Variants in AQP2 observed in about 807,000 individuals in gnomAD.
AQP2 encodes the protein aquaporin 2, also known as aquaporin-2.
Under a neutral mutation model 21.6 loss-of-function variants are expected in AQP2, and 20 were observed. The ratio of observed to expected loss-of-function variants is 0.92; its 90% CI spans 0.65 to 1.34. AQP2 has a LOEUF of 1.34. Among genes scored for constraint, AQP2 ranks in the 40% most tolerant of loss-of-function variants. The pLI is 0.00. For missense variants in AQP2, 325 were observed against 363.4 expected (o/e 0.89, Z 0.86); for synonymous variants, 168 against 166.9 (o/e 1.01, Z -0.05).
intron 1 of AQP2, among the ~76,000 whole-genome samples, chr12:49,953,936 C>T (rs545401348): frequency 3.9e-5 from 6 of 152,038 alleles, no homozygotes; most frequent in Admixed American, 6.5e-5. Flanking sequence ...CTACCTCTGG[C>T]GGGGGGACCA....
rs147136099 is a variant in AQP2, at chr12:49,950,893, C to G, written c.63C>G (p.Leu21=). The change falls in exon 1 of 4, where the codon CTC becomes CTG. Residue 21 remains leucine, a synonymous_variant. Coordinates refer to ENST00000199280, the MANE Select transcript of AQP2 (RefSeq NM_000486.6). ...RAVFAEFLAT[L]LFVFFGLGSA... The stretch of plus-strand genomic sequence containing the variant: ...TGTTCGCAGAGTTCCTGGCCACACT[C>G]CTCTTCGTCTTCTTTGGCCTCGGCT... 1.2e-6 allele frequency: 2 copies of G among 1,614,004 alleles called. No homozygotes were observed. The highest frequency in any genetic ancestry group is 1.7e-6 in the Non-Finnish European group (2 of 1,179,836).
Position 49,955,493 on chromosome 12 carries a change from T to A in AQP2, c.701T>A (p.Leu234Gln). ...FPPAKSLSER[L>Q]AVLKGLEPDT... ...CCAGCCAAGAGCCTGTCGGAGCGCC[T>A]GGCAGTGCTGAAGGGCCTGGAGCCG... The change falls in exon 4 of 4, where the codon CTG becomes CAG. Residue 234 changes from leucine to glutamine, a missense_variant. Leu to Gln is a moderately radical substitution (Grantham distance 113). Transcript: ENST00000199280. 6.2e-7 allele frequency: 1 copy of A among 1,612,766 alleles called. No individual in the cohort carries two copies. Among genetic ancestry groups the A allele is most frequent in the Middle Eastern group, 1.7e-4 (1 of 6,028 alleles).
chr12:49,956,964 A>G lies in AQP2; in HGVS notation c.*1356A>G, dbSNP rs750350039. 4.6e-5 allele frequency: 7 copies of G among 152,590 alleles called. No homozygotes were observed. Among genetic ancestry groups the G allele is most frequent in the Non-Finnish European group, 8.8e-5 (6 of 68,044 alleles). 9.5% of individuals were successfully genotyped at this position (152,590 alleles called of 1,614,324 possible). A position where few individuals can be genotyped will look rare whatever the true frequency, so the allele number is the denominator to read the frequency against. ...AGGCAGAGGCAGATCTGAGTCTAGA[A>G]CCCAGGCTTCTAAATTTCTAGGCCA... On this transcript the variant is annotated 3_prime_UTR_variant, in exon 4 of 4. Coordinates refer to ENST00000199280, the MANE Select transcript of AQP2 (RefSeq NM_000486.6).
rs1283814344 is a variant in AQP2, at chr12:49,958,102, G to A, written c.*2494G>A. On this transcript the variant is annotated 3_prime_UTR_variant, in exon 4 of 4. Coordinates refer to ENST00000199280, the MANE Select transcript of AQP2 (RefSeq NM_000486.6). ...CTGTGCTGGGTGCCTTGCATGCACG[G>A]ACTTATCTGATCTTCCTCAAACTTC... The A allele has an allele frequency of 6.6e-6, 1 of 152,148 alleles. No individual in the cohort carries two copies. The highest frequency in any genetic ancestry group is 1.5e-5 in the Non-Finnish European group (1 of 68,042). The allele number at this position is 152,148 out of a possible 1,614,324, so 9.4% of individuals were successfully genotyped here. A position where few individuals can be genotyped will look rare whatever the true frequency, so the allele number is the denominator to read the frequency against.
Position 49,955,396 on chromosome 12 carries a change from C to A in AQP2, c.607-3C>A. On this transcript the variant is annotated splice_region_variant and splice_polypyrimidine_tract_variant and intron_variant, in intron 3 of 3. Transcript: ENST00000199280. ...CCAAGCCGCCCTCTCCGCTCGCCCCCAGGTCTTCTGGATCGGACCCCTGGT... is the reference window on the plus strand; with the variant it reads ...CCAAGCCGCCCTCTCCGCTCGCCCCAAGGTCTTCTGGATCGGACCCCTGGT... The A allele has an allele frequency of 6.2e-7, 1 of 1,612,058 alleles. No homozygotes were observed. Among genetic ancestry groups the A allele is most frequent in the Non-Finnish European group, 8.5e-7 (1 of 1,179,478 alleles).
At chr12:49,952,344 G>C (rs1207293179) in intron 1 of AQP2, among the ~76,000 whole-genome samples, 1 of 152,088 alleles carries the variant, frequency 6.6e-6, no homozygotes, top group Non-Finnish European at 1.5e-5. Flanking sequence ...CTAACCTCAA[G>C]TGATCCACCC....
Position 49,955,746 on chromosome 12 carries a change from A to G in AQP2, c.*138A>G. ...AGCTGCTTCCTGGACGTGCGCGCCC[A>G]GGCCAGTGCTGTGAGCAGGCGGGGA... On this transcript the variant is annotated 3_prime_UTR_variant, in exon 4 of 4. Coordinates refer to ENST00000199280, the MANE Select transcript of AQP2 (RefSeq NM_000486.6). The G allele has an allele frequency of 8.5e-7, 1 of 1,174,486 alleles. No individual in the cohort carries two copies. The highest frequency in any genetic ancestry group is 1.2e-6 in the Non-Finnish European group (1 of 820,588). The allele number at this position is 1,174,486 out of a possible 1,614,324, so 72.8% of individuals were successfully genotyped here.
At position 49,955,513 on chromosome 12, in the gene AQP2, G is replaced by C; in HGVS notation, c.721G>C (p.Glu241Gln). The change falls in exon 4 of 4, where the codon GAG becomes CAG. Residue 241 changes from glutamate to glutamine, a missense_variant. Glu to Gln is a conservative substitution (Grantham distance 29, BLOSUM62 2). Transcript: ENST00000199280. ...GCGCCTGGCAGTGCTGAAGGGCCTG[G>C]AGCCGGACACCGATTGGGAGGAGCG... is the stretch of plus-strand genomic sequence containing the variant. The part of the protein sequence containing the change: ...SERLAVLKGL[E>Q]PDTDWEEREV... 1.2e-6 allele frequency: 2 copies of C among 1,612,444 alleles called. No homozygotes were observed. The highest frequency in any genetic ancestry group is 1.1e-5 in the South Asian group (1 of 91,022).
Position 49,954,704 on chromosome 12 carries a change from C to T in AQP2, c.600C>T (p.Asp200=). Residue 200 remains aspartate (D), a synonymous_variant, in exon 3 of 4, where the codon GAC becomes GAT. Transcript: ENST00000199280. ...APAVVTGKFD[D]HWVFWIGPLV... is the part of the protein sequence containing the mutation. ...CTGTCGTCACTGGCAAATTTGATGA[C>T]CACTGGGTAATGGCTGAAACCCCCT... 6.2e-7 allele frequency: 1 copy of T among 1,614,038 alleles called. No individual in the cohort carries two copies. The highest frequency in any genetic ancestry group is 1.3e-5 in the African/African-American group (1 of 75,030).
rs781600142 is a variant in AQP2, at chr12:49,951,014, A to C, written c.184A>C (p.Ile62Leu). 6.2e-7 allele frequency: 1 copy of C among 1,614,014 alleles called. No individual in the cohort carries two copies. The highest frequency in any genetic ancestry group is 1.7e-5 in the Admixed American group (1 of 60,036). ...IGTLVQALGH[I>L]SGAHINPAVT... ...CACCCTGGTACAGGCTCTGGGCCAC[A>C]TAAGCGGGGCCCACATCAACCCTGC... Residue 62 changes from isoleucine (I) to leucine (L), a missense_variant, in exon 1 of 4, where the codon ATA becomes CTA. By Grantham distance (5) the Ile-to-Leu change is conservative (BLOSUM62 2). Transcript: ENST00000199280.
In AQP2 at chr12:49,954,657, C is replaced by G. The variant is rs761713751; in HGVS notation, c.553C>G (p.Pro185Ala). 33 of 1,614,116 alleles carry G rather than the reference C, an allele frequency of 2.0e-5. No homozygotes were observed. The highest frequency in any genetic ancestry group is 2.6e-5 in the Non-Finnish European group (31 of 1,180,050). Residue 185 changes from proline to alanine, a missense_variant, in exon 3 of 4, where the codon CCT (proline) becomes GCT (alanine). Physicochemically the swap from Pro to Ala is conservative, Grantham distance 27. Coordinates refer to ENST00000199280, the MANE Select transcript of AQP2 (RefSeq NM_000486.6). Reference protein sequence around the residue: ...GIHYTGCSMNPARSLAPAVVT... With the variant: ...GIHYTGCSMNAARSLAPAVVT... ...CCATTACACCGGCTGCTCTATGAAT[C>G]CTGCCCGCTCCCTGGCTCCAGCTGT... is the stretch of plus-strand genomic sequence containing the variant.
chr12:49,955,614 G>A lies in AQP2; in HGVS notation c.*6G>A, dbSNP rs1196861465. 7 of 1,551,562 alleles carry A rather than the reference G, an allele frequency of 4.5e-6. No homozygotes were observed. The highest frequency in any genetic ancestry group is 5.2e-6 in the Non-Finnish European group (6 of 1,154,672). ...CACGGGGTACCAAGGCCTGAGGGCC[G>A]CCAGCGGCCTCTACGGCCCCGACGG... On this transcript the variant is annotated 3_prime_UTR_variant, in exon 4 of 4. Coordinates refer to ENST00000199280, the MANE Select transcript of AQP2 (RefSeq NM_000486.6).
Position 49,957,036 on chromosome 12 carries a change from G to A in AQP2, c.*1428G>A, listed in dbSNP as rs905775984. ...ATTAACTGGGATTAAGTGAGATGAC[G>A]CATGTAAAGATGCTGTGTAAACTGT... On this transcript the variant is annotated 3_prime_UTR_variant, in exon 4 of 4. Transcript: ENST00000199280. The A allele has an allele frequency of 2.6e-5, 4 of 152,630 alleles. No homozygotes were observed. Among genetic ancestry groups the A allele is most frequent in the East Asian group, 1.9e-4 (1 of 5,190 alleles). The allele number at this position is 152,630 out of a possible 1,614,324, so 9.5% of individuals were successfully genotyped here.
intron 1 of AQP2, chr12:49,952,121 T>G (rs908565676): frequency 1.3e-5 from 2 of 152,444 alleles, no homozygotes; most frequent in African/African-American, 4.8e-5. Context: ...TTAGGGAACT[T>G]CTCTGCTTTG....
rs1481844552 is a variant in AQP2, at chr12:49,955,459, C to A, written c.667C>A (p.Leu223Met). ...GGGCTCCCTCCTCTACAACTACGTGCTGTTTCCGCCAGCCAAGAGCCTGTC... is the reference window on the plus strand; with the variant it reads ...GGGCTCCCTCCTCTACAACTACGTGATGTTTCCGCCAGCCAAGAGCCTGTC... ...ILGSLLYNYVLFPPAKSLSER... is the reference protein window; with the variant it reads ...ILGSLLYNYVMFPPAKSLSER... The change falls in exon 4 of 4, where the codon CTG becomes ATG. Residue 223 changes from leucine to methionine, a missense_variant. Leu to Met is a conservative substitution (Grantham distance 15). Coordinates refer to ENST00000199280, the MANE Select transcript of AQP2 (RefSeq NM_000486.6). 3 of 1,612,734 alleles carry A rather than the reference C, an allele frequency of 1.9e-6. No individual in the cohort carries two copies. Among genetic ancestry groups the A allele is most frequent in the African/African-American group, 1.3e-5 (1 of 74,928 alleles).
intron 1 of AQP2, among the ~76,000 whole-genome samples, chr12:49,952,576 C>T (rs1275621170): frequency 1.3e-5 from 2 of 152,216 alleles, no homozygotes; most frequent in Non-Finnish European, 1.5e-5. Context: ...AGAGCATGAC[C>T]AGGAAGTCCT....
rs557075746 is a variant in AQP2, at chr12:49,958,801, C to G, written c.*3193C>G. On this transcript the variant is annotated 3_prime_UTR_variant, in exon 4 of 4. Transcript: ENST00000199280. ...TTGGGGACAAGGGCTGCTTCCAGTT[C>G]TTGGATGGCGTTCTCCTATCTACCT... The G allele has an allele frequency of 4.6e-5, 7 of 152,370 alleles. No homozygotes were observed. The highest frequency in any genetic ancestry group is 1.7e-4 in the African/African-American group (7 of 41,578). The allele number at this position is 152,370 out of a possible 1,614,324, so 9.4% of individuals were successfully genotyped here. A position where few individuals can be genotyped will look rare whatever the true frequency, so the allele number is the denominator to read the frequency against.
chr12:49,958,765 C>T lies in AQP2; in HGVS notation c.*3157C>T, dbSNP rs1296807713. 6.6e-6 allele frequency: 1 copy of T among 152,252 alleles called. No individual in the cohort carries two copies. Among genetic ancestry groups the T allele is most frequent in the Non-Finnish European group, 1.5e-5 (1 of 68,044 alleles). The allele number at this position is 152,252 out of a possible 1,614,324, so 9.4% of individuals were successfully genotyped here. On this transcript the variant is annotated 3_prime_UTR_variant, in exon 4 of 4. Transcript: ENST00000199280. ...ATATATACAATGCCTCCCAGCTAGA[C>T]TGTAAGCCCTTTGGGGACAAGGGCT...
rs767578769 is a variant in AQP2 at position 49,955,488 on chromosome 12, G to T, written c.696G>T (p.Glu232Asp). 9.9e-6 allele frequency: 16 copies of T among 1,612,724 alleles called. No homozygotes were observed. Among genetic ancestry groups the T allele is most frequent in the Non-Finnish European group, 1.4e-5 (16 of 1,179,846 alleles). Residue 232 changes from glutamate (E) to aspartate (D), a missense_variant, in exon 4 of 4, where the codon GAG becomes GAT. Coordinates refer to ENST00000199280, the MANE Select transcript of AQP2 (RefSeq NM_000486.6). ...TTCCGCCAGCCAAGAGCCTGTCGGA[G>T]CGCCTGGCAGTGCTGAAGGGCCTGG... is the stretch of plus-strand genomic sequence containing the variant. ...VLFPPAKSLS[E>D]RLAVLKGLEP... is the part of the protein sequence containing the mutation.
Sources: allele counts gnomAD v4.1 joint callset (sites outside exome capture counted in the v4.1 genomes callset), GRCh38; gene constraint gnomAD v4.1.1; transcripts MANE v1.5; gene names NCBI Gene and HGNC (gene_info 2026-07-23, HGNC 2026-07-21).